ATP8B3: variants seen among roughly 807,000 people sequenced by gnomAD.
ATP8B3 encodes the protein ATPase phospholipid transporting 8B3, also known as phospholipid-transporting ATPase IK.
Under a neutral mutation model 140.9 loss-of-function variants are expected in ATP8B3, and 141 were observed. That is an observed-to-expected ratio of 1.00 (90% CI 0.87 to 1.15). The LOEUF is 1.15. Among genes scored for constraint, ATP8B3 ranks in the 50% most tolerant of loss-of-function variants. ATP8B3 has a pLI of 0.00. For missense variants in ATP8B3, 1,874 were observed against 1,740.6 expected, an observed-to-expected ratio of 1.08 and a Z score of -1.36; for synonymous variants, 765 against 714.6, an observed-to-expected ratio of 1.07 and a Z score of -1.13.
At chr19:1,804,769 G>A (rs2068960939) in intron 10 of ATP8B3, among the ~76,000 whole-genome samples, 1 of 152,204 alleles carries the variant, frequency 6.6e-6, no homozygotes, top group African/African-American at 2.4e-5. Context: ...TCGCACCACT[G>A]CACTCCAGCC....
chr19:1,798,325 A>G (rs1405764384), intron 14 of ATP8B3, among the ~76,000 whole-genome samples: 1 of 152,072 alleles, frequency 6.6e-6, no homozygotes, highest in African/African-American at 2.4e-5. Context: ...CTGGTTATAA[A>G]TTAGACCCGG....
In ATP8B3 at chr19:1,805,858, A is replaced by G. The variant is rs1231907906; in HGVS notation, c.821+30T>C. ...CTCCGGGCCATGCTCCCCACCCCCC[A>G]GGGTCCCCAGCGATGCCACAGCTCC... On this transcript the variant is annotated intron_variant, in intron 9 of 28. Coordinates refer to ENST00000310127, the MANE Select transcript of ATP8B3 (RefSeq NM_138813.4). The surrounding 1 kb of genome is among the most constrained non-coding windows in gnomAD (Gnocchi z 5.2). 1 of 1,611,016 alleles carries G rather than the reference A, an allele frequency of 6.2e-7. No individual in the cohort carries two copies. The highest frequency in any genetic ancestry group is 1.1e-5 in the South Asian group (1 of 91,036).
intron 4 of ATP8B3, among the ~76,000 whole-genome samples, chr19:1,808,685 G>T (rs756377357): frequency 6.6e-6 from 1 of 152,180 alleles, no homozygotes; most frequent in African/African-American, 2.4e-5. Context: ...AAAGACTCAT[G>T]GAGCTGTGAC....
At position 1,806,748 on chromosome 19, in the gene ATP8B3, C is replaced by T; in HGVS notation, c.616-59G>A. On this transcript the variant is annotated intron_variant, in intron 6 of 28. Coordinates refer to ENST00000310127, the MANE Select transcript of ATP8B3 (RefSeq NM_138813.4). The surrounding 1 kb of genome is among the most constrained non-coding windows in gnomAD (Gnocchi z 5.6). Reference sequence around the variant, plus strand: ...CCAGCCTCTCCTGCCCCCGCCCAGGCCGCTGCCGCACTGCAGCCCAGCAGT... The same window carrying T: ...CCAGCCTCTCCTGCCCCCGCCCAGGTCGCTGCCGCACTGCAGCCCAGCAGT... 1 of 1,531,084 alleles carries T rather than the reference C, an allele frequency of 6.5e-7. No individual in the cohort carries two copies. The highest frequency in any genetic ancestry group is 8.9e-7 in the Non-Finnish European group (1 of 1,129,910). 94.8% of individuals were successfully genotyped at this position (1,531,084 alleles called of 1,614,324 possible).
At chr19:1,784,611 G>A (rs555705270) in intron 28 of ATP8B3, among the ~76,000 whole-genome samples, 11 of 152,284 alleles carry the variant, frequency 7.2e-5, no homozygotes, top group African/African-American at 1.7e-4. Flanking sequence ...CTGCTTTGTC[G>A]GGGGAGTGAG....
At position 1,811,556 on chromosome 19, in the gene ATP8B3, C is replaced by T; in HGVS notation, c.181G>A (p.Gly61Arg). 1.2e-6 allele frequency: 2 copies of T among 1,612,380 alleles called. No individual in the cohort carries two copies. Among genetic ancestry groups the T allele is most frequent in the Non-Finnish European group, 8.5e-7 (1 of 1,179,806 alleles). ...GCCTTGTGCCTCCTCTCAGGTGCCCCTCTGCCTGGGGAGTCTCCCATCCCA... is the reference window on the plus strand; with the variant it reads ...GCCTTGTGCCTCCTCTCAGGTGCCCTTCTGCCTGGGGAGTCTCCCATCCCA... ...RAGMGDSPGR[G>R]APERRHKAQP... The change falls in exon 2 of 29, where the codon GGG (glycine) becomes AGG (arginine). Residue 61 changes from glycine to arginine, a missense_variant. Transcript: ENST00000310127.
Position 1,806,628 on chromosome 19 carries a change from C to T in ATP8B3, c.677G>A (p.Ser226Asn), listed in dbSNP as rs1029665906. The T allele has an allele frequency of 1.3e-6, 2 of 1,557,806 alleles. No individual in the cohort carries two copies. Among genetic ancestry groups the T allele is most frequent in the East Asian group, 2.4e-5 (1 of 41,306 alleles). Residue 226 changes from serine to asparagine, a missense_variant and splice_region_variant, in exon 7 of 29, where the codon AGC (serine) becomes AAC (asparagine). Transcript: ENST00000310127. The surrounding 1 kb of genome is among the most constrained non-coding windows in gnomAD (Gnocchi z 5.6). ...NRPCQILMGK[S>N]FKQKKWQDLC... ...TCCCCAGCTGCAGCCCCAGCCTCAC[C>T]TCTTCCCCATCAGAATCTGGCAGGG... is the stretch of plus-strand genomic sequence containing the variant.
chr19:1,788,973 C>T lies in ATP8B3; in HGVS notation c.2993G>A (p.Arg998His), dbSNP rs542432405. 1.3e-5 allele frequency: 21 copies of T among 1,609,858 alleles called. No homozygotes were observed. The highest frequency in any genetic ancestry group is 1.7e-5 in the Admixed American group (1 of 59,562). ...GGCCATGCTCTTGTAGAAGAAGTAG[C>T]GCAGGAACTTGCAGATCCGCACGTA... ...WSYVRICKFL[R>H]YFFYKSMASM... The change falls in exon 24 of 29, where the codon CGC becomes CAC. Residue 998 changes from arginine to histidine, a missense_variant. Physicochemically the swap from Arg to His is conservative, Grantham distance 29. This residue lies in a region of ATP8B3 where 840 missense variants were observed against 760.9 expected (regional missense o/e 1.10). Coordinates refer to ENST00000310127, the MANE Select transcript of ATP8B3 (RefSeq NM_138813.4).
Position 1,805,767 on chromosome 19 carries a change from G to A in ATP8B3, c.821+121C>T. 2 of 1,205,910 alleles carry A rather than the reference G, an allele frequency of 1.7e-6. No homozygotes were observed. The highest frequency in any genetic ancestry group is 1.3e-5 in the South Asian group (1 of 75,936). The allele number at this position is 1,205,910 out of a possible 1,614,324, so 74.7% of individuals were successfully genotyped here. A position where few individuals can be genotyped will look rare whatever the true frequency, so the allele number is the denominator to read the frequency against. On this transcript the variant is annotated intron_variant, in intron 9 of 28. Transcript: ENST00000310127. This position sits in a 1 kb window ranked among gnomAD's most constrained non-coding sequence, Gnocchi z 5.2. ...CACCCACGCCCCAGACACTCATGGGGTGAGTGACCAAAGTCTCTGAGCGAC... is the reference window on the plus strand; with the variant it reads ...CACCCACGCCCCAGACACTCATGGGATGAGTGACCAAAGTCTCTGAGCGAC...
rs371280984 is a variant in ATP8B3 at position 1,783,162 on chromosome 19, G to T, written c.3769C>A (p.Arg1257Ser). The change falls in exon 29 of 29, where the codon CGT becomes AGT. Residue 1257 changes from arginine (R) to serine (S), a missense_variant. Arg to Ser is a moderately radical substitution (Grantham distance 110, BLOSUM62 -1). Transcript: ENST00000310127. The part of the protein sequence containing the change: ...ARRSSYAFSH[R>S]EGYANLITQG... Reference sequence around the variant, plus strand: ...GTGATGAGGTTTGCATATCCCTCACGGTGGGAGAAAGCATAGCTGGAACGG... The same window carrying T: ...GTGATGAGGTTTGCATATCCCTCACTGTGGGAGAAAGCATAGCTGGAACGG... The T allele has an allele frequency of 6.2e-7, 1 of 1,613,704 alleles. No individual in the cohort carries two copies. The highest frequency in any genetic ancestry group is 2.2e-5 in the East Asian group (1 of 44,878).
chr19:1,796,642 C>A, intron 16 of ATP8B3, 69 bp downstream of exon 16: 1 of 1,529,908 alleles, frequency 6.5e-7, no homozygotes, highest in South Asian at 1.2e-5. Context: ...GGGTGAGCTG[C>A]GGGGCTGGGG....
Position 1,807,131 on chromosome 19 carries a change from C to G in ATP8B3, c.615+37G>C. On this transcript the variant is annotated intron_variant, in intron 6 of 28. Transcript: ENST00000310127. This position sits in a 1 kb window ranked among gnomAD's most constrained non-coding sequence, Gnocchi z 5.9. ...CAAGAGACCCCCCCGACCGGCCCCGCTCCCTCCCCCAGGCAGCTGCATCCA... is the reference window on the plus strand; with the variant it reads ...CAAGAGACCCCCCCGACCGGCCCCGGTCCCTCCCCCAGGCAGCTGCATCCA... 1 of 1,580,056 alleles carries G rather than the reference C, an allele frequency of 6.3e-7. No homozygotes were observed. The highest frequency in any genetic ancestry group is 1.1e-5 in the South Asian group (1 of 90,392).
At chr19:1,802,420 T>TTCC in intron 11 of ATP8B3, 67 bp downstream of exon 11, 1 of 195,012 alleles carries the variant, frequency 5.1e-6, no homozygotes, top group South Asian at 3.6e-5. Flanking sequence ...CACCCACCCA[T>TTCC]CCCCACATCC....
rs2068610801 is a variant in ATP8B3 at position 1,794,548 on chromosome 19, T to C, written c.2055+1327A>G. On this transcript the variant is annotated intron_variant, in intron 18 of 28. Transcript: ENST00000310127. The surrounding 1 kb of genome is among the most constrained non-coding windows in gnomAD (Gnocchi z 4.8). ...TCCTCTGGCCCTGTAGGGTCAGGGC[T>C]GGACCAGGGGGAGGCAGCCTGGGGT... 6.6e-6 allele frequency among the ~76,000 whole-genome samples: 1 copy of C among 150,386 alleles called. No individual in the cohort carries two copies. The highest frequency in any genetic ancestry group is 1.5e-5 in the Non-Finnish European group (1 of 67,092).
At position 1,809,822 on chromosome 19, in the gene ATP8B3, G is replaced by A. The variant is rs1341773030; in HGVS notation, c.311-88C>T. 3.3e-5 allele frequency: 41 copies of A among 1,239,994 alleles called. No homozygotes were observed. In the Admixed American group the frequency reaches 4.2e-4, roughly 13 times the overall value. The allele number at this position is 1,239,994 out of a possible 1,614,324, so 76.8% of individuals were successfully genotyped here. A position where few individuals can be genotyped will look rare whatever the true frequency, so the allele number is the denominator to read the frequency against. Reference sequence around the variant, plus strand: ...GCCCGGAGGAGGGCTCATGGGGCCCGTGGGACCCAGGCACTGGGGAGGCCC... The same window carrying A: ...GCCCGGAGGAGGGCTCATGGGGCCCATGGGACCCAGGCACTGGGGAGGCCC... On this transcript the variant is annotated intron_variant, in intron 3 of 28. Coordinates refer to ENST00000310127, the MANE Select transcript of ATP8B3 (RefSeq NM_138813.4).
At chr19:1,793,957 G>A (rs1164698893) in intron 18 of ATP8B3, among the ~76,000 whole-genome samples, 3 of 152,024 alleles carry the variant, frequency 2.0e-5, no homozygotes, top group African/African-American at 7.3e-5. Flanking sequence ...GGTCAGGCTG[G>A]CCTCGAACTC....
chr19:1,806,537 G>T lies in ATP8B3; in HGVS notation c.677+91C>A. On this transcript the variant is annotated intron_variant, in intron 7 of 28. Transcript: ENST00000310127. This position sits in a 1 kb window ranked among gnomAD's most constrained non-coding sequence, Gnocchi z 5.6. ...AACCAGCCGGGAGATCAGGGAGCAC[G>T]GAAGGTGATGGACACTTGCCGAGGC... is the stretch of plus-strand genomic sequence containing the variant. 1 of 1,531,270 alleles carries T rather than the reference G, an allele frequency of 6.5e-7. No individual in the cohort carries two copies. Among genetic ancestry groups the T allele is most frequent in the Non-Finnish European group, 8.8e-7 (1 of 1,139,958 alleles). The allele number at this position is 1,531,270 out of a possible 1,614,324, so 94.9% of individuals were successfully genotyped here. A position where few individuals can be genotyped will look rare whatever the true frequency, so the allele number is the denominator to read the frequency against.
chr19:1,785,236 C>T lies in ATP8B3; in HGVS notation c.3455G>A (p.Gly1152Asp). The T allele has an allele frequency of 6.2e-7, 1 of 1,609,548 alleles. No individual in the cohort carries two copies. Among genetic ancestry groups the T allele is most frequent in the Non-Finnish European group, 8.5e-7 (1 of 1,177,938 alleles). ...GGTGGTAGTCATGATGGCGTAGAAA[C>T]CAAGGCTGAGGAGGATGGTCGCCAC... ...LCVATILLSL[G>D]FYAIMTTTTQ... is the part of the protein sequence containing the mutation. The change falls in exon 27 of 29, where the codon GGT (glycine) becomes GAT (aspartate). Residue 1152 changes from glycine to aspartate, a missense_variant. Physicochemically the swap from Gly to Asp is moderately conservative, Grantham distance 94. Transcript: ENST00000310127.
At position 1,789,425 on chromosome 19, in the gene ATP8B3, C is replaced by T. The variant is rs776163567; in HGVS notation, c.2781G>A (p.Lys927=). 1.9e-6 allele frequency: 3 copies of T among 1,598,464 alleles called. No homozygotes were observed. Among genetic ancestry groups the T allele is most frequent in the Non-Finnish European group, 2.5e-6 (3 of 1,178,190 alleles). ...KQKALIVALV[K]KYHQVVTLAI... is the part of the protein sequence containing the mutation. The stretch of plus-strand genomic sequence containing the variant: ...CCAGGGTCACCACCTGGTGGTACTT[C>T]TTGACCAGGGCCACGATCAGGGCCT... The change falls in exon 23 of 29, where the codon AAG becomes AAA. Residue 927 remains lysine (K), a synonymous_variant. Coordinates refer to ENST00000310127, the MANE Select transcript of ATP8B3 (RefSeq NM_138813.4).
Sources: gnomAD v4.1 joint callset for allele counts (sites outside exome capture counted in the v4.1 genomes callset) on GRCh38, gnomAD v4.1.1 for gene constraint, gnomAD v4.1.1 regional missense constraint, Gnocchi (gnomAD v3.1) non-coding constraint, MANE v1.5 for transcripts, NCBI Gene and HGNC (gene_info 2026-07-23, HGNC 2026-07-21) for gene names.